Variants in EYS observed in about 807,000 individuals in gnomAD.
EYS encodes protein eyes shut homolog.
In EYS, 250 loss-of-function variants were observed where a neutral mutation model predicts 282.1. The observed-to-expected ratio is 0.89, with a 90% CI of 0.80 to 0.98. The LOEUF (loss-of-function observed/expected upper bound fraction) is 0.98, where lower values mean the gene tolerates loss of function less well. Among genes scored for constraint, EYS ranks in the 50% least tolerant of loss-of-function variants. The pLI is 0.00. For missense variants in EYS, 4,016 were observed against 3,709.0 expected, an observed-to-expected ratio of 1.08 and a Z score of -2.15; for synonymous variants, 1,355 against 1,282.9, an observed-to-expected ratio of 1.06 and a Z score of -1.20.
At chr6:65,355,414 AG>A (rs34919706) in intron 8 of EYS, among the ~76,000 whole-genome samples, 102,361 of 151,916 alleles carry the variant, frequency 0.67, 34,584 homozygotes, top group South Asian at 0.71. Flanking sequence ...TGGCCTAGGA[AG>A]AGAACTCATG....
intron 19 of EYS, among the ~76,000 whole-genome samples, chr6:64,856,100 A>C (rs1185883333): frequency 2.6e-5 from 4 of 152,162 alleles, no homozygotes; most frequent in Admixed American, 2.6e-4. Flanking sequence ...TGTGATACAC[A>C]TTTCCAACTC....
chr6:64,538,277 G>GT (rs1271954145), intron 26 of EYS, among the ~76,000 whole-genome samples: 2 of 152,100 alleles, frequency 1.3e-5, no homozygotes, highest in Admixed American at 1.3e-4. Context: ...AGACAAATTA[G>GT]TTCATAATTC....
chr6:64,991,627 T>C (rs1164041726), intron 14 of EYS, among the ~76,000 whole-genome samples: 1 of 151,690 alleles, frequency 6.6e-6, no homozygotes, highest in Non-Finnish European at 1.5e-5. Context: ...TTCACTAATT[T>C]ATTACAATAG....
At chr6:63,772,917 ATATT>A (rs966382491) in intron 40 of EYS, among the ~76,000 whole-genome samples, 1 of 151,936 alleles carries the variant, frequency 6.6e-6, no homozygotes, top group African/African-American at 2.4e-5. Flanking sequence ...ATGTGTATCT[ATATT>A]TATGTATTTA....
chr6:64,238,942 C>T (rs1218326587), intron 30 of EYS, among the ~76,000 whole-genome samples: 1 of 152,084 alleles, frequency 6.6e-6, no homozygotes, highest in Non-Finnish European at 1.5e-5. Context: ...GTGATGTTCC[C>T]CTCCCTGTGT....
At chr6:64,008,065 T>C (rs1768434578) in intron 33 of EYS, among the ~76,000 whole-genome samples, 1 of 152,188 alleles carries the variant, frequency 6.6e-6, no homozygotes, top group Admixed American at 6.5e-5. Flanking sequence ...TGTCTAATAC[T>C]CTCAGTGGGG....
chr6:64,617,394 A>G, intron 24 of EYS, 24 bp downstream of exon 24: 4 of 1,417,296 alleles, frequency 2.8e-6, no homozygotes, highest in Non-Finnish European at 3.9e-6. Flanking sequence ...AATTATTACA[A>G]CCACAACCAC....
chr6:64,190,413 T>C (rs1339323565), intron 31 of EYS, among the ~76,000 whole-genome samples: 2 of 152,054 alleles, frequency 1.3e-5, no homozygotes, highest in Non-Finnish European at 1.5e-5. Flanking sequence ...AATTAAGCAG[T>C]TAGGATGTAG....
At chr6:64,741,108 C>G (rs1191489414) in intron 22 of EYS, among the ~76,000 whole-genome samples, 4 of 152,230 alleles carry the variant, frequency 2.6e-5, no homozygotes, top group South Asian at 4.1e-4. Context: ...CTGCCTATGA[C>G]AGCTGCAGCC....
At chr6:65,691,190 T>G (rs1462112035) in intron 1 of EYS, among the ~76,000 whole-genome samples, 1 of 150,344 alleles carries the variant, frequency 6.7e-6, no homozygotes, top group Non-Finnish European at 1.5e-5. Context: ...TAATTTACAC[T>G]GCCGCCAACA....
chr6:64,342,752 T>C (rs1771176775), intron 29 of EYS, among the ~76,000 whole-genome samples: 1 of 150,698 alleles, frequency 6.6e-6, no homozygotes, highest in South Asian at 2.1e-4. Context: ...AATGCTCCAA[T>C]TAAAAGGCAA....
intron 33 of EYS, among the ~76,000 whole-genome samples, chr6:64,019,823 A>AGTATAT (rs1388106028): frequency 7.2e-6 from 1 of 139,288 alleles, no homozygotes; most frequent in Non-Finnish European, 1.5e-5. Context: ...TGTATATATA[A>AGTATAT]GTATATATAT....
In EYS at chr6:65,367,223, C is replaced by T. The variant is rs1026552861; in HGVS notation, c.1300-13606G>A. Among the ~76,000 whole-genome samples, 37 of 151,716 alleles carry T rather than the reference C, an allele frequency of 2.4e-4. 1 individual carries two copies. The highest frequency in any genetic ancestry group is 8.7e-4 in the African/African-American group (36 of 41,498). ...GTGAAACTCCTTCTAAAGTACTGAG[C>T]TTTACCATATGTACAGATAGAATGG... is the stretch of plus-strand genomic sequence containing the variant. On this transcript the variant is annotated intron_variant, in intron 8 of 42. Coordinates refer to ENST00000503581, the MANE Select transcript of EYS (RefSeq NM_001142800.2).
At chr6:65,647,319 C>T (rs1332313205) in intron 1 of EYS, among the ~76,000 whole-genome samples, 1 of 152,056 alleles carries the variant, frequency 6.6e-6, no homozygotes, top group Non-Finnish European at 1.5e-5. Flanking sequence ...AAAATAGGCA[C>T]ATAGACCAAT....
intron 22 of EYS, among the ~76,000 whole-genome samples, chr6:64,759,029 C>T (rs1204934265): frequency 6.6e-6 from 1 of 152,158 alleles, no homozygotes. Context: ...GTCCCAGCTA[C>T]TCGGGAGGCT....
intron 41 of EYS, among the ~76,000 whole-genome samples, chr6:63,758,460 C>G (rs767500213): frequency 2.0e-5 from 3 of 151,632 alleles, no homozygotes; most frequent in Non-Finnish European, 4.4e-5. Context: ...TTTTTTCTTT[C>G]TCTGTAGGAG....
At chr6:65,478,467 G>T (rs1402321645) in intron 5 of EYS, among the ~76,000 whole-genome samples, 1 of 152,096 alleles carries the variant, frequency 6.6e-6, no homozygotes, top group East Asian at 1.9e-4. Flanking sequence ...TGCTTACCAA[G>T]TATTTTACAT....
At chr6:63,901,047 A>G (rs1773646012) in intron 35 of EYS, among the ~76,000 whole-genome samples, 1 of 152,266 alleles carries the variant, frequency 6.6e-6, no homozygotes, top group South Asian at 2.1e-4. Flanking sequence ...AGTAGAAATT[A>G]TCTCTGAGTG....
chr6:65,080,890 T>C lies in EYS; in HGVS notation c.2024-23163A>G, dbSNP rs1774214590. Among the ~76,000 whole-genome samples the C allele has an allele frequency of 3.3e-5, 5 of 152,226 alleles. No individual in the cohort carries two copies. The South Asian group carries it at 1.0e-3, about 32-fold the overall frequency. On this transcript the variant is annotated intron_variant, in intron 12 of 42. Coordinates refer to ENST00000503581, the MANE Select transcript of EYS (RefSeq NM_001142800.2). ...GATGCCTTAGTCCCTCTTATGTTAT[T>C]TGAATTTGATGAACAACCTGGTATC...
Sources: gnomAD v4.1 joint callset for allele counts (sites outside exome capture counted in the v4.1 genomes callset) on GRCh38, gnomAD v4.1.1 for gene constraint, MANE v1.5 for transcripts, NCBI Gene and HGNC (gene_info 2026-07-23, HGNC 2026-07-21) for gene names.